Variants in DLG2 observed in about 807,000 individuals in gnomAD.
The protein encoded by DLG2 is discs large MAGUK scaffold protein 2.
A neutral mutation model predicts 132.5 loss-of-function variants in DLG2; 45 were observed. The observed-to-expected ratio is 0.34, with a 90% confidence interval of 0.27 to 0.44. The LOEUF (loss-of-function observed/expected upper bound fraction) is 0.44, where lower values mean the gene tolerates loss of function less well. DLG2 is among the 20% of genes least tolerant of loss of function. The pLI is 1.00. For missense variants in DLG2, 1,045 were observed against 1,196.9 expected (o/e 0.87, Z 1.87); for synonymous variants, 424 against 419.6 (o/e 1.01, Z -0.13).
chr11:84,251,260 T>C lies in DLG2; in HGVS notation c.551A>G (p.Asp184Gly), dbSNP rs745652043. The change falls in exon 8 of 28, where the codon GAT becomes GGT. Residue 184 changes from aspartate to glycine, a missense_variant. Physicochemically the swap from Asp to Gly is moderately conservative, Grantham distance 94. Transcript: ENST00000376104. The stretch of plus-strand genomic sequence containing the variant: ...TACATAAGGAATTGTGTCCAAAGTA[T>C]CTGTGTTGACAATTATAGGAGCAGG... ...ASPAPIIVNT[D>G]TLDTIPYVNG... 1 of 1,592,204 alleles carries C rather than the reference T, an allele frequency of 6.3e-7. No individual in the cohort carries two copies. The highest frequency in any genetic ancestry group is 8.5e-7 in the Non-Finnish European group (1 of 1,172,222).
intron 7 of DLG2, among the ~76,000 whole-genome samples, chr11:84,509,760 G>A (rs2099251963): frequency 6.6e-6 from 1 of 151,850 alleles, no homozygotes; most frequent in Non-Finnish European, 1.5e-5. Flanking sequence ...AAAGAGAATT[G>A]GTAAATTAAA....
intron 16 of DLG2, among the ~76,000 whole-genome samples, chr11:83,842,017 C>T (rs870606): frequency 0.65 from 99,536 of 152,032 alleles, 32,787 homozygotes; most frequent in Middle Eastern, 0.76. Flanking sequence ...TATTCTTTTA[C>T]CATCATCACT....
chr11:85,089,695 G>C (rs2068460320), intron 6 of DLG2, among the ~76,000 whole-genome samples: 1 of 152,100 alleles, frequency 6.6e-6, no homozygotes. Flanking sequence ...AGTTATTTGA[G>C]AAATCTCCAA....
chr11:84,169,576 T>A (rs2095764278), intron 8 of DLG2, among the ~76,000 whole-genome samples: 1 of 152,084 alleles, frequency 6.6e-6, no homozygotes, highest in African/African-American at 2.4e-5. Context: ...TGGCCTTCAC[T>A]CAAAATATTA....
intron 7 of DLG2, among the ~76,000 whole-genome samples, chr11:84,511,430 C>T (rs960870806): frequency 6.6e-6 from 1 of 152,058 alleles, no homozygotes; most frequent in African/African-American, 2.4e-5. Context: ...TCTTCAGGCA[C>T]TACTGAAAAT....
intron 18 of DLG2, among the ~76,000 whole-genome samples, chr11:83,716,190 T>G (rs956404466): frequency 6.6e-5 from 10 of 152,164 alleles, no homozygotes; most frequent in Non-Finnish European, 1.0e-4. Context: ...TTTTGTTTGT[T>G]TTTTCTTTCT....
At chr11:85,245,836 C>G (rs2076108736) in intron 4 of DLG2, among the ~76,000 whole-genome samples, 1 of 151,932 alleles carries the variant, frequency 6.6e-6, no homozygotes, top group Non-Finnish European at 1.5e-5. Context: ...CCCTGCTTTT[C>G]CTAAAATGCA....
intron 6 of DLG2, among the ~76,000 whole-genome samples, chr11:84,659,500 T>A (rs138294506): frequency 6.6e-6 from 1 of 152,164 alleles, no homozygotes. Context: ...TACTATCTCT[T>A]TGGGGCATGA....
At chr11:83,765,821 C>A (rs2094118170) in intron 18 of DLG2, among the ~76,000 whole-genome samples, 1 of 152,086 alleles carries the variant, frequency 6.6e-6, no homozygotes, top group Non-Finnish European at 1.5e-5. Flanking sequence ...TGCCTTTGTG[C>A]ACCAATGGAA....
chr11:84,130,263 A>AAG (rs2094357936), intron 9 of DLG2, among the ~76,000 whole-genome samples: 1 of 151,998 alleles, frequency 6.6e-6, no homozygotes, highest in Non-Finnish European at 1.5e-5. Flanking sequence ...TCTTAAAAAA[A>AAG]TCATTGCAAC....
chr11:84,000,908 ACAAATG>A (rs2094312585), intron 11 of DLG2, among the ~76,000 whole-genome samples: 1 of 152,154 alleles, frequency 6.6e-6, no homozygotes, highest in Non-Finnish European at 1.5e-5. Flanking sequence ...ATGAAAACAC[ACAAATG>A]TATAAAACTC....
intron 3 of DLG2, among the ~76,000 whole-genome samples, chr11:85,377,368 T>G (rs1410134475): frequency 6.6e-6 from 1 of 152,036 alleles, no homozygotes; most frequent in Non-Finnish European, 1.5e-5. Context: ...TATGAAAGCT[T>G]GAGTTTCCTC....
chr11:84,409,956 C>G (rs1567558859), intron 7 of DLG2, among the ~76,000 whole-genome samples: 2 of 152,100 alleles, frequency 1.3e-5, no homozygotes, highest in East Asian at 3.9e-4. Context: ...ACTTTTAGAA[C>G]TCATATTGAC....
intron 10 of DLG2, among the ~76,000 whole-genome samples, chr11:84,095,192 AGAG>A (rs2097149062): frequency 1.3e-5 from 2 of 152,134 alleles, no homozygotes; most frequent in South Asian, 4.1e-4. Flanking sequence ...AACAGAGGCA[AGAG>A]GAGAGGAAAA....
intron 12 of DLG2, among the ~76,000 whole-genome samples, chr11:83,973,734 C>G (rs1368306077): frequency 2.6e-5 from 4 of 151,962 alleles, no homozygotes; most frequent in Admixed American, 2.6e-4. Flanking sequence ...AGCATGATCC[C>G]TACCCCAGAA....
At chr11:83,566,715 GTGT>G (rs1428934539) in intron 19 of DLG2, among the ~76,000 whole-genome samples, 65 of 59,316 alleles carry the variant, frequency 1.1e-3, no homozygotes, top group African/African-American at 0.01. Context: ...AGGGCATGGT[GTGT>G]GTGTGTGTGT....
At chr11:85,625,639 A>G (rs2081990977) in intron 2 of DLG2, among the ~76,000 whole-genome samples, 1 of 152,226 alleles carries the variant, frequency 6.6e-6, no homozygotes, top group Admixed American at 6.5e-5. Flanking sequence ...TTCCACTTTA[A>G]CCTGCAATTC....
chr11:84,248,293 T>C (rs1241509766), intron 8 of DLG2, among the ~76,000 whole-genome samples: 1 of 152,146 alleles, frequency 6.6e-6, no homozygotes, highest in Non-Finnish European at 1.5e-5. Flanking sequence ...TCCTAGAATT[T>C]AGCATGTTTT....
At chr11:83,578,434 G>A (rs1006174119) in intron 19 of DLG2, among the ~76,000 whole-genome samples, 1 of 152,126 alleles carries the variant, frequency 6.6e-6, no homozygotes, top group South Asian at 2.1e-4. Flanking sequence ...ACTGTAAAAA[G>A]TTCAAGGCAC....
Sources: allele counts gnomAD v4.1 joint callset (sites outside exome capture counted in the v4.1 genomes callset), GRCh38; gene constraint gnomAD v4.1.1; transcripts MANE v1.5; gene names NCBI Gene and HGNC (gene_info 2026-07-23, HGNC 2026-07-21).